WT1: variants seen among roughly 807,000 people sequenced by gnomAD.
WT1 encodes the protein Wilms tumor protein.
WT1 carries 8 observed loss-of-function variants against 60.8 expected under a neutral mutation model. That is an observed-to-expected ratio of 0.13 (90% CI 0.08 to 0.24). The LOEUF is 0.24. Ranked by LOEUF, WT1 falls within the 10% of genes least tolerant of loss-of-function variation. The pLI is 1.00. For synonymous variants in WT1, 312 were observed against 297.1 expected (o/e 1.05, Z -0.52); for missense variants, 568 against 711.8 (o/e 0.80, Z 2.30).
intron 3 of WT1, 30 bp downstream of exon 3, chr11:32,427,926 A>G: frequency 6.3e-7 from 1 of 1,588,632 alleles, no homozygotes; most frequent in Non-Finnish European, 8.6e-7. Flanking sequence ...GGTCCCAAGG[A>G]CCCAGACGCA....
intron 7 of WT1, among the ~76,000 whole-genome samples, chr11:32,395,957 A>G (rs1322938485): frequency 6.6e-6 from 1 of 152,178 alleles, no homozygotes; most frequent in East Asian, 1.9e-4. Context: ...TCTCCTTAGA[A>G]ATGCTAATAG....
chr11:32,428,753 C>G (rs1853160313), intron 1 of WT1, 134 bp from the exon 2 acceptor site: 1 of 1,424,388 alleles, frequency 7.0e-7, no homozygotes, highest in African/African-American at 1.4e-5. Context: ...GAGAATCCAG[C>G]CCCACAAGCC....
chr11:32,398,552 C>T (rs1228489570), intron 6 of WT1, among the ~76,000 whole-genome samples: 4 of 152,132 alleles, frequency 2.6e-5, no homozygotes, highest in Non-Finnish European at 5.9e-5. Context: ...TCCTCTGCCT[C>T]CCTAAGAAGC....
At chr11:32,406,134 C>A (rs1248811392) in intron 5 of WT1, among the ~76,000 whole-genome samples, 1 of 152,104 alleles carries the variant, frequency 6.6e-6, no homozygotes, top group African/African-American at 2.4e-5. Flanking sequence ...TACTTGGAGG[C>A]ACAACATGTA....
In WT1 at chr11:32,388,002, C is replaced by A; in HGVS notation, c.*1056G>T. 1 of 198,356 alleles carries A rather than the reference C, an allele frequency of 5.0e-6. No homozygotes were observed. Among genetic ancestry groups the A allele is most frequent in the East Asian group, 6.9e-5 (1 of 14,536 alleles). The allele number at this position is 198,356 out of a possible 1,614,324, so 12.3% of individuals were successfully genotyped here. On this transcript the variant is annotated 3_prime_UTR_variant, in exon 10 of 10. Transcript: ENST00000452863. Reference sequence around the variant, plus strand: ...CTCCCTTAAAAAACAAAACACAACACAACACACACACACACACACACACAC... The same window carrying A: ...CTCCCTTAAAAAACAAAACACAACAAAACACACACACACACACACACACAC...
At chr11:32,421,585 G>A (rs1029371208) in intron 3 of WT1, among the ~76,000 whole-genome samples, 1 of 152,198 alleles carries the variant, frequency 6.6e-6, no homozygotes, top group African/African-American at 2.4e-5. Context: ...ATTAATGCAA[G>A]TTGGAGTAAA....
At chr11:32,410,424 T>C (rs1381357724) in intron 5 of WT1, among the ~76,000 whole-genome samples, 1 of 152,224 alleles carries the variant, frequency 6.6e-6, no homozygotes, top group Non-Finnish European at 1.5e-5. Context: ...GCATGATCTT[T>C]ACCTCCTCTC....
intron 3 of WT1, among the ~76,000 whole-genome samples, chr11:32,420,063 G>T (rs186838973): frequency 6.6e-6 from 1 of 152,086 alleles, no homozygotes; most frequent in East Asian, 1.9e-4. Flanking sequence ...TATGTCTTAC[G>T]TATATGACTT....
Position 32,388,372 on chromosome 11 carries a change from G to T in WT1, c.*686C>A. On this transcript the variant is annotated 3_prime_UTR_variant, in exon 10 of 10. Coordinates refer to ENST00000452863, the MANE Select transcript of WT1 (RefSeq NM_024426.6). ...CTCAGATCTTCATAGTTTCTTAAGA[G>T]CAGTGTGCCAGTGTTCACATTGAAT... 4.3e-6 allele frequency: 1 copy of T among 233,696 alleles called. No homozygotes were observed. Among genetic ancestry groups the T allele is most frequent in the Non-Finnish European group, 8.5e-6 (1 of 118,264 alleles). 14.5% of individuals were successfully genotyped at this position (233,696 alleles called of 1,614,324 possible). A position where few individuals can be genotyped will look rare whatever the true frequency, so the allele number is the denominator to read the frequency against.
chr11:32,395,106 G>T (rs1851928206), intron 7 of WT1, among the ~76,000 whole-genome samples: 1 of 152,224 alleles, frequency 6.6e-6, no homozygotes, highest in Non-Finnish European at 1.5e-5. Flanking sequence ...TGGACACAGT[G>T]AATTAGCAAA....
chr11:32,427,920 C>T, intron 3 of WT1, 36 bp downstream of exon 3: 2 of 1,580,216 alleles, frequency 1.3e-6, no homozygotes, highest in Non-Finnish European at 1.7e-6. Flanking sequence ...CTCCGGGGTC[C>T]CAAGGACCCA....
Position 32,430,461 on chromosome 11 carries a change from A to AGAGAGAG in WT1, c.662-1849_662-1843dup, listed in dbSNP as rs1235740804. 75 of 670,902 alleles carry AGAGAGAG rather than the reference A, an allele frequency of 1.1e-4. 1 individual carries two copies. The African/African-American group carries it at 1.3e-3, about 12-fold the overall frequency. The allele number at this position is 670,902 out of a possible 1,614,324, so 41.6% of individuals were successfully genotyped here. A position where few individuals can be genotyped will look rare whatever the true frequency, so the allele number is the denominator to read the frequency against. On this transcript the variant is annotated intron_variant, in intron 1 of 9. Transcript: ENST00000452863. ...GAGAGAGAGAGAGAGGGAGGGAGAG[A>AGAGAGAG]GAGAGAGAGAGAGAGAGAGAGAGAG...
chr11:32,409,200 G>A (rs1852418404), intron 5 of WT1, among the ~76,000 whole-genome samples: 1 of 152,136 alleles, frequency 6.6e-6, no homozygotes, highest in East Asian at 1.9e-4. Flanking sequence ...AGTGTGACAT[G>A]CTCCATCTCT....
chr11:32,435,409 G>A lies in WT1; in HGVS notation c.-49C>T, dbSNP rs909218394. 2.7e-5 allele frequency: 39 copies of A among 1,462,930 alleles called. No individual in the cohort carries two copies. The highest frequency in any genetic ancestry group is 4.0e-5 in the South Asian group (3 of 74,662). The allele number at this position is 1,462,930 out of a possible 1,614,324, so 90.6% of individuals were successfully genotyped here. On this transcript the variant is annotated 5_prime_UTR_variant, in exon 1 of 10. Transcript: ENST00000452863. Reference sequence around the variant, plus strand: ...GCCCGGGCGCCTGGGCTGCCGTCCCGGCTCTGGGTGGGTGGGTGGGTGAAT... The same window carrying A: ...GCCCGGGCGCCTGGGCTGCCGTCCCAGCTCTGGGTGGGTGGGTGGGTGAAT...
intron 7 of WT1, among the ~76,000 whole-genome samples, chr11:32,393,310 A>G (rs1166215423): frequency 6.6e-6 from 1 of 152,242 alleles, no homozygotes; most frequent in Non-Finnish European, 1.5e-5. Flanking sequence ...CCCTCAAAAC[A>G]CACCAAAAGC....
chr11:32,396,136 A>G, intron 7 of WT1, 121 bp downstream of exon 7: 1 of 1,408,080 alleles, frequency 7.1e-7, no homozygotes, highest in Non-Finnish European at 9.9e-7. Flanking sequence ...CCTGGATCAG[A>G]CCTTTCAAAG....
chr11:32,398,068 C>T (rs916865469), intron 6 of WT1, among the ~76,000 whole-genome samples: 4 of 152,140 alleles, frequency 2.6e-5, no homozygotes, highest in East Asian at 1.9e-4. Context: ...TGATTGTATT[C>T]GTCAGGGGAG....
At chr11:32,430,484 G>C (rs1564997690) in intron 1 of WT1, 1 of 1,584,764 alleles carries the variant, frequency 6.3e-7, no homozygotes, top group Non-Finnish European at 8.6e-7. Context: ...GAGAGAGAGA[G>C]AGAGAGACGA....
intron 5 of WT1, among the ~76,000 whole-genome samples, chr11:32,401,842 A>G (rs1852168319): frequency 6.6e-6 from 1 of 152,122 alleles, no homozygotes. Context: ...GCCCAGCCGC[A>G]TCAGCATTTT....
Sources: gnomAD v4.1 joint callset for allele counts (sites outside exome capture counted in the v4.1 genomes callset) on GRCh38, gnomAD v4.1.1 for gene constraint, MANE v1.5 for transcripts, NCBI Gene and HGNC (gene_info 2026-07-23, HGNC 2026-07-21) for gene names.